The following EEF2K variants were observed in gnomAD, a reference collection of about 807,000 sequenced individuals.
The protein encoded by EEF2K is alternative protein EEF2K.
A neutral mutation model predicts 93.8 loss-of-function variants in EEF2K; 70 were observed. The ratio of observed to expected loss-of-function variants is 0.75; its 90% CI spans 0.62 to 0.91. EEF2K has a LOEUF of 0.91. Among genes scored for constraint, EEF2K ranks in the 40% least tolerant of loss-of-function variants. EEF2K has a pLI of 0.00. For synonymous variants in EEF2K, 376 were observed against 380.8 expected (o/e 0.99, Z 0.15); for missense variants, 935 against 972.9 (o/e 0.96, Z 0.52).
chr16:22,260,407 T>A, intron 10 of EEF2K, 55 bp from the exon 11 acceptor site: 4 of 1,608,644 alleles, frequency 2.5e-6, no homozygotes, highest in Non-Finnish European at 3.4e-6. Context: ...TGGGTTGGTC[T>A]TATGCATGTT....
chr16:22,216,479 A>G (rs1159705247), intron 1 of EEF2K, among the ~76,000 whole-genome samples: 3 of 149,098 alleles, frequency 2.0e-5, no homozygotes, highest in African/African-American at 7.3e-5. Flanking sequence ...TCTTCTGCTT[A>G]CTTATCACTC....
intron 15 of EEF2K, among the ~76,000 whole-genome samples, chr16:22,271,126 C>G (rs763902091): frequency 1.3e-5 from 2 of 151,740 alleles, no homozygotes; most frequent in African/African-American, 2.4e-5. Flanking sequence ...TGCACCACCA[C>G]GCCTGGCTAA....
intron 1 of EEF2K, among the ~76,000 whole-genome samples, chr16:22,223,180 A>C (rs1477838793): frequency 6.7e-6 from 1 of 149,910 alleles, no homozygotes; most frequent in African/African-American, 2.5e-5. Context: ...TCCATATTGT[A>C]GTGTATGTCA....
intron 1 of EEF2K, among the ~76,000 whole-genome samples, chr16:22,218,010 C>T (rs2046975565): frequency 6.6e-6 from 1 of 152,192 alleles, no homozygotes; most frequent in Non-Finnish European, 1.5e-5. Flanking sequence ...CAGCCCCATT[C>T]TCAAGTTCAC....
chr16:22,257,747 G>A lies in EEF2K; in HGVS notation c.1006G>A (p.Val336Met). ...CCTCTCGCCCCGGGAGAGGGATGCA[G>A]TGAATCAGAACACCAAGCTGCTGGT... ...FDLSPRERDA[V>M]NQNTKLLQSA... Residue 336 changes from valine to methionine, a missense_variant, in exon 9 of 18, where the codon GTG becomes ATG. Val to Met is a conservative substitution (Grantham distance 21). Coordinates refer to ENST00000263026, the MANE Select transcript of EEF2K (RefSeq NM_013302.5). 4 of 1,613,922 alleles carry A rather than the reference G, an allele frequency of 2.5e-6. No homozygotes were observed.
intron 15 of EEF2K, among the ~76,000 whole-genome samples, chr16:22,271,635 T>C (rs1434189787): frequency 6.7e-6 from 1 of 150,282 alleles, no homozygotes. Flanking sequence ...ACTACAGGAG[T>C]TTGAGGCTTC....
intron 15 of EEF2K, among the ~76,000 whole-genome samples, chr16:22,268,473 T>C (rs1011311487): frequency 6.6e-6 from 1 of 151,176 alleles, no homozygotes; most frequent in East Asian, 2.0e-4. Context: ...GCCGGACTAT[T>C]TATTTATTTT....
intron 17 of EEF2K, among the ~76,000 whole-genome samples, chr16:22,280,668 T>C (rs961174677): frequency 6.7e-6 from 1 of 148,742 alleles, no homozygotes; most frequent in Admixed American, 6.7e-5. Flanking sequence ...TCTTTCTTTT[T>C]TTTTTTTTTT....
intron 1 of EEF2K, among the ~76,000 whole-genome samples, chr16:22,215,696 G>A (rs1473821459): frequency 6.6e-6 from 1 of 152,058 alleles, no homozygotes; most frequent in African/African-American, 2.4e-5. Context: ...AGGCTGAGGC[G>A]GGTGGATCAC....
intron 17 of EEF2K, among the ~76,000 whole-genome samples, chr16:22,283,216 G>T (rs1266391010): frequency 6.7e-6 from 1 of 149,956 alleles, no homozygotes; most frequent in South Asian, 2.1e-4. Flanking sequence ...GGCTGAGGCA[G>T]GAGAATCGCT....
chr16:22,287,988 A>AT lies in EEF2K; in HGVS notation c.*4011dup, dbSNP rs57315187. ...AGATGTGCACCATCACATCTGGCTA[A>AT]TTTTTTTTTTTTTTTTTTTGAGGTG... On this transcript the variant is annotated 3_prime_UTR_variant, in exon 18 of 18. Coordinates refer to ENST00000263026, the MANE Select transcript of EEF2K (RefSeq NM_013302.5). The AT allele has an allele frequency of 6.2e-4, 77 of 124,860 alleles. No individual in the cohort carries two copies. The East Asian group carries it at 6.7e-3, about 11-fold the overall frequency. 7.7% of individuals were successfully genotyped at this position (124,860 alleles called of 1,614,324 possible). A position where few individuals can be genotyped will look rare whatever the true frequency, so the allele number is the denominator to read the frequency against.
At chr16:22,257,482 T>C (rs544708298) in intron 8 of EEF2K, 97 bp downstream of exon 8, 548 of 1,556,390 alleles carry the variant, frequency 3.5e-4, no homozygotes, top group Non-Finnish European at 2.7e-4. Flanking sequence ...TGAGACACTG[T>C]ACGCGCTTTT....
intron 2 of EEF2K, among the ~76,000 whole-genome samples, chr16:22,226,517 C>CTT (rs553013823): frequency 8.4e-5 from 9 of 106,872 alleles, no homozygotes; most frequent in East Asian, 3.3e-4. Flanking sequence ...CCTTCTTCTT[C>CTT]TTTTTTTTTT....
intron 15 of EEF2K, among the ~76,000 whole-genome samples, chr16:22,269,689 A>T (rs1327418045): frequency 6.6e-6 from 1 of 152,160 alleles, no homozygotes; most frequent in Non-Finnish European, 1.5e-5. Context: ...GGCATAAGCC[A>T]CAGTGCCCAG....
rs551292014 is a variant in EEF2K at position 22,255,662 on chromosome 16, T to C, written c.619-1086T>C. On this transcript the variant is annotated intron_variant, in intron 6 of 17. Transcript: ENST00000263026. Reference sequence around the variant, plus strand: ...TCATCCTAATGCTCTGGGAGGATGCTGGAAGACAAGAGGATTGCTTGAGGC... The same window carrying C: ...TCATCCTAATGCTCTGGGAGGATGCCGGAAGACAAGAGGATTGCTTGAGGC... Among the ~76,000 whole-genome samples, 119 of 152,268 alleles carry C rather than the reference T, an allele frequency of 7.8e-4. 2 individuals are homozygous for C. Among genetic ancestry groups the C allele is most frequent in the African/African-American group, 2.7e-3 (114 of 41,580 alleles).
At chr16:22,260,231 C>T (rs1173275181) in intron 10 of EEF2K, among the ~76,000 whole-genome samples, 1 of 152,116 alleles carries the variant, frequency 6.6e-6, no homozygotes, top group Admixed American at 6.5e-5. Context: ...TAGGTGACAC[C>T]ACTTGGCCAG....
At chr16:22,273,899 C>A in intron 16 of EEF2K, 149 bp downstream of exon 16, 1 of 1,199,064 alleles carries the variant, frequency 8.3e-7, no homozygotes, top group Non-Finnish European at 1.1e-6. Context: ...CCTCCCTGGC[C>A]TCAGTTTCTT....
In EEF2K at chr16:22,257,685, A is replaced by G. The variant is rs201478126; in HGVS notation, c.944A>G (p.Asn315Ser). 4 of 1,613,920 alleles carry G rather than the reference A, an allele frequency of 2.5e-6. No individual in the cohort carries two copies. Among genetic ancestry groups the G allele is most frequent in the East Asian group, 2.2e-5 (1 of 44,874 alleles). Residue 315 changes from asparagine to serine, a missense_variant, in exon 9 of 18, where the codon AAC becomes AGC. Physicochemically the swap from Asn to Ser is conservative, Grantham distance 46. Coordinates refer to ENST00000263026, the MANE Select transcript of EEF2K (RefSeq NM_013302.5). Reference sequence around the variant, plus strand: ...CTCTTCTTCTACTCTCATGCCTGCAACCGGATTTGCGAGAGCATGGGCCTT... The same window carrying G: ...CTCTTCTTCTACTCTCATGCCTGCAGCCGGATTTGCGAGAGCATGGGCCTT... ...MALFFYSHACNRICESMGLAP... is the reference protein window; with the variant it reads ...MALFFYSHACSRICESMGLAP...
chr16:22,213,354 C>T (rs965684119), intron 1 of EEF2K, among the ~76,000 whole-genome samples: 15 of 152,300 alleles, frequency 9.8e-5, no homozygotes, highest in Non-Finnish European at 1.6e-4. Context: ...GACATTGGGC[C>T]GGACCTTCTT....
Sources: gnomAD v4.1 joint callset for allele counts (sites outside exome capture counted in the v4.1 genomes callset) on GRCh38, gnomAD v4.1.1 for gene constraint, MANE v1.5 for transcripts, NCBI Gene and HGNC (gene_info 2026-07-23, HGNC 2026-07-21) for gene names.